ETFDH: variants seen among roughly 807,000 people sequenced by gnomAD.
ETFDH encodes the protein electron transfer flavoprotein dehydrogenase, also known as electron transfer flavoprotein-ubiquinone oxidoreductase, mitochondrial.
Under a neutral mutation model 73.2 loss-of-function variants are expected in ETFDH, and 61 were observed. The observed-to-expected ratio is 0.83, with a 90% CI of 0.68 to 1.03. The LOEUF is 1.03. Among genes scored for constraint, ETFDH ranks in the 50% least tolerant of loss-of-function variants. ETFDH has a pLI of 0.00. For synonymous variants in ETFDH, 243 were observed against 253.3 expected, an observed-to-expected ratio of 0.96 and a Z score of 0.39; for missense variants, 685 against 745.0, an observed-to-expected ratio of 0.92 and a Z score of 0.94.
At chr4:158,674,795 T>C (rs1773672871) in intron 1 of ETFDH, among the ~76,000 whole-genome samples, 1 of 152,248 alleles carries the variant, frequency 6.6e-6, no homozygotes, top group Admixed American at 6.5e-5. Context: ...GGTTTTCACG[T>C]ACAACAAGGT....
intron 1 of ETFDH, among the ~76,000 whole-genome samples, chr4:158,676,724 T>C (rs1773719399): frequency 1.3e-5 from 2 of 152,238 alleles, no homozygotes. Flanking sequence ...GGTTTTATTA[T>C]TGCTTGACTT....
intron 6 of ETFDH, 101 bp from the exon 7 acceptor site, chr4:158,695,396 T>C (rs1774282708): frequency 1.6e-5 from 13 of 828,146 alleles, no homozygotes; most frequent in Non-Finnish European, 2.6e-5. Flanking sequence ...ATTTGCACTG[T>C]CTCTTCTACA....
intron 9 of ETFDH, among the ~76,000 whole-genome samples, chr4:158,701,508 C>G (rs1220594263): frequency 6.6e-6 from 1 of 152,196 alleles, no homozygotes; most frequent in Non-Finnish European, 1.5e-5. Flanking sequence ...GGCCCTGATC[C>G]TTCTCTCTTA....
intron 9 of ETFDH, 99 bp downstream of exon 9, chr4:158,699,229 GA>G (rs1774396048): frequency 9.8e-7 from 1 of 1,022,886 alleles, no homozygotes; most frequent in Non-Finnish European, 1.5e-6. Flanking sequence ...AACAATATTG[GA>G]ATAGGAAAAG....
At chr4:158,702,781 G>A (rs1774498880) in intron 9 of ETFDH, among the ~76,000 whole-genome samples, 1 of 152,154 alleles carries the variant, frequency 6.6e-6, no homozygotes, top group Admixed American at 6.5e-5. Flanking sequence ...ATAAATATGA[G>A]AGTGCAGATA....
At chr4:158,691,440 T>C (rs1774163468) in intron 6 of ETFDH, among the ~76,000 whole-genome samples, 1 of 152,212 alleles carries the variant, frequency 6.6e-6, no homozygotes, top group Non-Finnish European at 1.5e-5. Flanking sequence ...TTATCCCGCC[T>C]CAGCCTCCCG....
chr4:158,682,422 G>A lies in ETFDH; in HGVS notation c.403G>A (p.Gly135Arg), dbSNP rs779728803. The A allele has an allele frequency of 6.2e-7, 1 of 1,611,764 alleles. No individual in the cohort carries two copies. Among genetic ancestry groups the A allele is most frequent in the Non-Finnish European group, 8.5e-7 (1 of 1,177,934 alleles). The change falls in exon 3 of 13, where the codon GGG becomes AGG. Residue 135 changes from glycine (G) to arginine (R), a missense_variant and splice_region_variant. This residue lies in a region of ETFDH where 405 missense variants were observed against 399.3 expected (regional missense o/e 1.01). Coordinates refer to ENST00000511912, the MANE Select transcript of ETFDH (RefSeq NM_004453.4). The part of the protein sequence containing the change: ...KELFPDWKEK[G>R]APLNTPVTED... ...ACTCTTCCCAGACTGGAAAGAGAAG[G>A]GGGTATGAAAAATTGTTTTTTATAC...
chr4:158,679,218 C>G (rs950756204), intron 1 of ETFDH: 2 of 151,840 alleles, frequency 1.3e-5, no homozygotes, highest in African/African-American at 2.4e-5. Context: ...ATGAATATAG[C>G]TTCAAATATA....
intron 10 of ETFDH, 21 bp from the exon 11 acceptor site, chr4:158,706,168 A>G: frequency 6.4e-7 from 1 of 1,562,124 alleles, no homozygotes; most frequent in Non-Finnish European, 8.8e-7. Context: ...CGCACTTAAC[A>G]TTTCATGTTT....
intron 12 of ETFDH, 47 bp from the exon 13 acceptor site, chr4:158,708,317 A>T (rs778523218): frequency 2.0e-6 from 3 of 1,464,140 alleles, no homozygotes; most frequent in Non-Finnish European, 1.9e-6. Context: ...GAATTTAAAA[A>T]TTTTTTAAAG....
In ETFDH at chr4:158,709,551, C is replaced by T. The variant is rs1561253533; in HGVS notation, c.*1024C>T. On this transcript the variant is annotated 3_prime_UTR_variant, in exon 13 of 13. Transcript: ENST00000511912. Reference sequence around the variant, plus strand: ...CATCTCAAAGAAACAAACAAAACCACTTTACTTACTGTATTGTGACATGTT... The same window carrying T: ...CATCTCAAAGAAACAAACAAAACCATTTTACTTACTGTATTGTGACATGTT... The T allele has an allele frequency of 4.4e-6, 2 of 451,062 alleles. No individual in the cohort carries two copies. Among genetic ancestry groups the T allele is most frequent in the Non-Finnish European group, 3.9e-6 (1 of 257,942 alleles). 27.9% of individuals were successfully genotyped at this position (451,062 alleles called of 1,614,324 possible).
intron 2 of ETFDH, among the ~76,000 whole-genome samples, 194 bp downstream of exon 2, chr4:158,680,801 A>G (rs1773835717): frequency 2.0e-5 from 3 of 152,114 alleles, no homozygotes; most frequent in Admixed American, 2.0e-4. Context: ...TGACATTATA[A>G]TGGAGCTGAA....
intron 5 of ETFDH, among the ~76,000 whole-genome samples, chr4:158,688,837 T>G (rs534388609): frequency 6.6e-6 from 1 of 152,358 alleles, no homozygotes; most frequent in African/African-American, 2.4e-5. Flanking sequence ...ATACAATCTA[T>G]TCATTACATA....
intron 10 of ETFDH, among the ~76,000 whole-genome samples, chr4:158,704,474 T>C (rs1774553840): frequency 6.6e-6 from 1 of 152,214 alleles, no homozygotes; most frequent in Non-Finnish European, 1.5e-5. Flanking sequence ...CTTTGTTCTC[T>C]TTCCCTTTGT....
chr4:158,686,049 G>A (rs1157454758), intron 5 of ETFDH, among the ~76,000 whole-genome samples: 1 of 152,192 alleles, frequency 6.6e-6, no homozygotes, highest in Non-Finnish European at 1.5e-5. Flanking sequence ...GAAGACCATT[G>A]TGTTCTCTTT....
Position 158,706,868 on chromosome 4 carries a change from T to C in ETFDH, c.1690+18T>C. The C allele has an allele frequency of 6.8e-7, 1 of 1,475,908 alleles. No homozygotes were observed. Among genetic ancestry groups the C allele is most frequent in the East Asian group, 2.3e-5 (1 of 44,198 alleles). The allele number at this position is 1,475,908 out of a possible 1,614,324, so 91.4% of individuals were successfully genotyped here. On this transcript the variant is annotated intron_variant, in intron 12 of 12. Transcript: ENST00000511912. ...TCCTGCAGGTAATAATTTCCATCTA[T>C]TCCTAAATATTTGCTTTAAACATTT...
chr4:158,680,292 A>G (rs1232334426), intron 1 of ETFDH, among the ~76,000 whole-genome samples, 175 bp from the exon 2 acceptor site: 1 of 152,044 alleles, frequency 6.6e-6, no homozygotes, highest in East Asian at 1.9e-4. Flanking sequence ...GTTTTAAAAT[A>G]TTTAAGATTT....
chr4:158,700,060 T>C (rs193153650), intron 9 of ETFDH, among the ~76,000 whole-genome samples: 1 of 152,296 alleles, frequency 6.6e-6, no homozygotes, highest in Non-Finnish European at 1.5e-5. Flanking sequence ...ATTCTAGGAA[T>C]CTAGGACTAT....
intron 1 of ETFDH, among the ~76,000 whole-genome samples, chr4:158,675,581 A>G (rs1056100283): frequency 3.3e-5 from 5 of 152,216 alleles, no homozygotes; most frequent in African/African-American, 1.2e-4. Context: ...AGCTTACACA[A>G]CCCAGTGAGA....
Sources: gnomAD v4.1 joint callset for allele counts (sites outside exome capture counted in the v4.1 genomes callset) on GRCh38, gnomAD v4.1.1 for gene constraint, gnomAD v4.1.1 regional missense constraint, MANE v1.5 for transcripts, NCBI Gene and HGNC (gene_info 2026-07-23, HGNC 2026-07-21) for gene names.